CPEB2: variants seen among roughly 807,000 people sequenced by gnomAD.
CPEB2 encodes the protein cytoplasmic polyadenylation element binding protein 2.
Under a neutral mutation model 93.6 loss-of-function variants are expected in CPEB2, and 56 were observed. That is an observed-to-expected ratio of 0.60 (90% CI 0.48 to 0.75). The LOEUF (loss-of-function observed/expected upper bound fraction) is 0.75, where lower values mean the gene tolerates loss of function less well. Ranked by LOEUF, CPEB2 falls within the 30% of genes least tolerant of loss-of-function variation. The pLI, the probability that CPEB2 is intolerant of heterozygous loss-of-function variation, is 0.00. For synonymous variants in CPEB2, 764 were observed against 586.3 expected (o/e 1.30, Z -4.38); for missense variants, 1,579 against 1,395.1 (o/e 1.13, Z -2.10).
intron 3 of CPEB2, among the ~76,000 whole-genome samples, chr4:15,015,745 C>T (rs1318720119): frequency 6.6e-6 from 1 of 151,924 alleles, no homozygotes; most frequent in Non-Finnish European, 1.5e-5. Context: ...ATGAGTGATA[C>T]GTTCCAAGAC....
intron 11 of CPEB2, among the ~76,000 whole-genome samples, chr4:15,064,603 A>C (rs1000176224): frequency 6.6e-6 from 1 of 151,988 alleles, no homozygotes; most frequent in Admixed American, 6.6e-5. Flanking sequence ...TAACCATGAG[A>C]AAGAAACCCA....
intron 10 of CPEB2, 147 bp from the exon 11 acceptor site, chr4:15,061,932 C>G (rs981393305): frequency 1.3e-5 from 9 of 709,006 alleles, no homozygotes; most frequent in African/African-American, 1.1e-4. Flanking sequence ...GATCCCCGTC[C>G]TTTTTTAACA....
intron 3 of CPEB2, among the ~76,000 whole-genome samples, chr4:15,011,580 CT>C (rs1252898777): frequency 2.0e-5 from 3 of 152,110 alleles, no homozygotes; most frequent in Non-Finnish European, 4.4e-5. Flanking sequence ...GATTGAATGC[CT>C]GAGCCCCAGA....
intron 6 of CPEB2, among the ~76,000 whole-genome samples, chr4:15,046,070 C>A (rs983411341): frequency 6.6e-6 from 1 of 152,040 alleles, no homozygotes; most frequent in African/African-American, 2.4e-5. Context: ...TATTTTTGTA[C>A]CTTTTTGTAT....
intron 6 of CPEB2, among the ~76,000 whole-genome samples, chr4:15,042,533 A>G (rs1261877640): frequency 1.3e-5 from 2 of 152,180 alleles, no homozygotes. Context: ...TGGCATACAT[A>G]TTTGGCTTAG....
At chr4:15,059,408 C>A (rs138509932) in intron 10 of CPEB2, 107 bp downstream of exon 10, 2 of 617,194 alleles carry the variant, frequency 3.2e-6, no homozygotes, top group Non-Finnish European at 5.4e-6. Context: ...TTGGACAGAG[C>A]AGGAGCAGAT....
At chr4:15,005,301 T>A (rs1722676689) in intron 1 of CPEB2, 1 of 152,288 alleles carries the variant, frequency 6.6e-6, no homozygotes, top group Non-Finnish European at 1.5e-5. Flanking sequence ...TTGGTGTGTT[T>A]CCTCGTAGAC....
chr4:15,003,685 G>A lies in CPEB2; in HGVS notation c.1012G>A (p.Ala338Thr), dbSNP rs778922123. 4.8e-6 allele frequency: 7 copies of A among 1,458,618 alleles called. No individual in the cohort carries two copies. The Admixed American group carries it at 7.1e-5, about 15-fold the overall frequency. 90.4% of individuals were successfully genotyped at this position (1,458,618 alleles called of 1,614,324 possible). A position where few individuals can be genotyped will look rare whatever the true frequency, so the allele number is the denominator to read the frequency against. The change falls in exon 1 of 12, where the codon GCC becomes ACC. Residue 338 changes from alanine (A) to threonine (T), a missense_variant. Coordinates refer to ENST00000538197, the MANE Select transcript of CPEB2 (RefSeq NM_001177382.2). ...LLPGGALGAG[A>T]FSSLQSPDLP... ...GCCCGGAGGTGCGCTTGGCGCGGGC[G>A]CCTTCAGCAGCCTGCAGAGCCCGGA...
At position 15,048,152 on chromosome 4, in the gene CPEB2, T is replaced by G. The variant is rs535598857; in HGVS notation, c.2201-4262T>G. Among the ~76,000 whole-genome samples the G allele has an allele frequency of 1.6e-4, 25 of 152,080 alleles. No homozygotes were observed. In the South Asian group the frequency reaches 5.2e-3, roughly 31 times the overall value. ...ATTCTGCCAATATATTTTTTAGGAT[T>G]TTTGCATTTGTGTTCATGAGGGATA... On this transcript the variant is annotated intron_variant, in intron 6 of 11. Transcript: ENST00000538197.
intron 11 of CPEB2, 26 bp from the exon 12 acceptor site, chr4:15,066,127 G>T: frequency 6.3e-7 from 1 of 1,582,204 alleles, no homozygotes; most frequent in African/African-American, 1.3e-5. Context: ...AGACCCTAAT[G>T]AGACTTAACT....
chr4:15,040,378 C>T (rs1727049459), intron 5 of CPEB2, 86 bp from the exon 6 acceptor site: 7 of 1,290,546 alleles, frequency 5.4e-6, no homozygotes, highest in African/African-American at 1.5e-5. Flanking sequence ...CAGATGCCCA[C>T]ATAGCTTTTC....
Position 15,003,087 on chromosome 4 carries a change from G to T in CPEB2, c.414G>T (p.Gln138His). 6.5e-7 allele frequency: 1 copy of T among 1,532,454 alleles called. No homozygotes were observed. Among genetic ancestry groups the T allele is most frequent in the Non-Finnish European group, 8.7e-7 (1 of 1,145,776 alleles). The allele number at this position is 1,532,454 out of a possible 1,614,324, so 94.9% of individuals were successfully genotyped here. ...IAGVTHLLPS[Q>H]DFKPSLHHPS... ...GTGTGACCCACCTCCTCCCCTCCCA[G>T]GACTTCAAACCGAGTCTGCACCACC... Residue 138 changes from glutamine to histidine, a missense_variant, in exon 1 of 12, where the codon CAG becomes CAT. Around this residue, in one of 2 missense-constraint regions of CPEB2, gnomAD observed 1,411 missense variants for 1,056.0 expected, o/e 1.34. Transcript: ENST00000538197.
chr4:15,016,518 C>A lies in CPEB2; in HGVS notation c.2035-670C>A, dbSNP rs987881229. On this transcript the variant is annotated intron_variant, in intron 3 of 11. Coordinates refer to ENST00000538197, the MANE Select transcript of CPEB2 (RefSeq NM_001177382.2). ...GAGATTACTGTGCTTTTACTCTTCT[C>A]TCCTCCACCTGCCTATTTTGCAGGG... 2.6e-5 allele frequency among the ~76,000 whole-genome samples: 4 copies of A among 152,032 alleles called. No individual in the cohort carries two copies. The East Asian group carries it at 7.8e-4, about 30-fold the overall frequency.
intron 4 of CPEB2, among the ~76,000 whole-genome samples, chr4:15,019,403 T>G (rs1724572301): frequency 1.3e-5 from 2 of 151,938 alleles, no homozygotes; most frequent in Admixed American, 6.6e-5. Context: ...GTACTCTGAT[T>G]ATTGTACTTT....
intron 2 of CPEB2, 69 bp downstream of exon 2, chr4:15,007,655 G>A (rs1356182169): frequency 9.9e-7 from 1 of 1,010,136 alleles, no homozygotes; most frequent in East Asian, 2.8e-5. Flanking sequence ...GGGTGGTGGT[G>A]GTAGTGGTAT....
intron 4 of CPEB2, among the ~76,000 whole-genome samples, chr4:15,020,344 C>T (rs1288834386): frequency 2.6e-5 from 4 of 151,982 alleles, no homozygotes; most frequent in Admixed American, 1.3e-4. Flanking sequence ...GTATTCAATT[C>T]GACCCACAGT....
At chr4:15,015,069 C>CTT (rs1295142025) in intron 3 of CPEB2, among the ~76,000 whole-genome samples, 2 of 152,010 alleles carry the variant, frequency 1.3e-5, no homozygotes, top group African/African-American at 4.8e-5. Context: ...GATTTAGTGA[C>CTT]TTCAGACGAA....
At chr4:15,050,108 G>A (rs548764494) in intron 6 of CPEB2, among the ~76,000 whole-genome samples, 1 of 152,278 alleles carries the variant, frequency 6.6e-6, no homozygotes, top group South Asian at 2.1e-4. Context: ...ACCGATACTG[G>A]TCCATGGTCT....
At chr4:15,011,088 A>C (rs1723408518) in intron 3 of CPEB2, among the ~76,000 whole-genome samples, 1 of 150,162 alleles carries the variant, frequency 6.7e-6, no homozygotes. Flanking sequence ...ACATATCTCT[A>C]TGAATTTCTT....
Sources: gnomAD v4.1 joint callset for allele counts (sites outside exome capture counted in the v4.1 genomes callset) on GRCh38, gnomAD v4.1.1 for gene constraint, gnomAD v4.1.1 regional missense constraint, MANE v1.5 for transcripts, NCBI Gene and HGNC (gene_info 2026-07-23, HGNC 2026-07-21) for gene names.